PRDM2: variants seen among roughly 807,000 people sequenced by gnomAD.
PRDM2 encodes the protein PR domain zinc finger protein 2.
PRDM2 carries 30 observed loss-of-function variants against 130.0 expected under a neutral mutation model. The observed-to-expected ratio is 0.23, with a 90% CI of 0.17 to 0.31. PRDM2 has a LOEUF of 0.31. PRDM2 is among the 10% of genes least tolerant of loss of function. PRDM2 has a pLI of 1.00. For synonymous variants in PRDM2, 871 were observed against 782.4 expected (o/e 1.11, Z -1.89); for missense variants, 2,011 against 2,108.4 (o/e 0.95, Z 0.90).
intron 8 of PRDM2, among the ~76,000 whole-genome samples, chr1:13,795,236 G>A (rs944996258): frequency 1.3e-5 from 2 of 152,136 alleles, no homozygotes; most frequent in East Asian, 1.9e-4. Context: ...GATGATCACC[G>A]ATAATGCTTG....
intron 8 of PRDM2, among the ~76,000 whole-genome samples, chr1:13,796,350 T>C (rs1364442024): frequency 6.6e-6 from 1 of 152,200 alleles, no homozygotes; most frequent in Non-Finnish European, 1.5e-5. Flanking sequence ...GTTAATATCA[T>C]ATGTAAACAA....
chr1:13,731,096 G>A lies in PRDM2; in HGVS notation c.106G>A (p.Ala36Thr). Reference sequence around the variant, plus strand: ...GGAGGAAGTGAGGCTTTTCCCTTCTGCTGTTGACAAGACCCGGATTGGTGA... The same window carrying A: ...GGAGGAAGTGAGGCTTTTCCCTTCTACTGTTGACAAGACCCGGATTGGTGA... ...LPEEVRLFPS[A>T]VDKTRIGVWA... The change falls in exon 3 of 10, where the codon GCT (alanine) becomes ACT (threonine). Residue 36 changes from alanine to threonine, a missense_variant. Ala to Thr is a moderately conservative substitution (Grantham distance 58). This residue lies in a region of PRDM2 where 79 missense variants were observed against 93.6 expected (regional missense o/e 0.84). Transcript: ENST00000311066. The A allele has an allele frequency of 6.2e-7, 1 of 1,612,824 alleles. No individual in the cohort carries two copies. The highest frequency in any genetic ancestry group is 1.3e-5 in the African/African-American group (1 of 74,890).
intron 6 of PRDM2, among the ~76,000 whole-genome samples, chr1:13,759,462 GAT>G (rs1472540396): frequency 6.6e-6 from 1 of 152,166 alleles, no homozygotes; most frequent in African/African-American, 2.4e-5. Context: ...TGAGATGTAG[GAT>G]ATGCCTTTCT....
At chr1:13,701,127 TAAC>T (rs1177781437) in intron 1 of PRDM2, among the ~76,000 whole-genome samples, 1 of 152,180 alleles carries the variant, frequency 6.6e-6, no homozygotes, top group Admixed American at 6.5e-5. Flanking sequence ...CTGATTTCCT[TAAC>T]TACGCAGCTG....
chr1:13,787,807 TTCTAA>T, intron 8 of PRDM2: 1 of 981,490 alleles, frequency 1.0e-6, no homozygotes, highest in South Asian at 4.7e-5. Context: ...TAAAAGACTA[TTCTAA>T]TGAAAACATT....
intron 1 of PRDM2, among the ~76,000 whole-genome samples, chr1:13,711,656 TAAAGAATTAAGTTTTTA>T (rs1267462222): frequency 2.0e-5 from 3 of 152,212 alleles, no homozygotes; most frequent in African/African-American, 7.2e-5. Context: ...TATAGTTGAA[TAAAGAATTAAGTTTTTA>T]AAATAACATT....
In PRDM2 at chr1:13,780,318, A is replaced by G. The variant is rs1322559927; in HGVS notation, c.2523A>G (p.Pro841=). The G allele has an allele frequency of 1.9e-6, 3 of 1,614,194 alleles. No individual in the cohort carries two copies. Among genetic ancestry groups the G allele is most frequent in the Non-Finnish European group, 2.5e-6 (3 of 1,180,038 alleles). The part of the protein sequence containing the change: ...KQKAEGTGKT[P]VQWESVLDLS... ...AGGCTGAGGGTACAGGCAAGACTCCAGTCCAGTGGGAATCTGTCTTAGATC... is the reference window on the plus strand; with the variant it reads ...AGGCTGAGGGTACAGGCAAGACTCCGGTCCAGTGGGAATCTGTCTTAGATC... Residue 841 remains proline, a synonymous_variant, in exon 8 of 10, where the codon CCA becomes CCG. Coordinates refer to ENST00000311066, the MANE Select transcript of PRDM2 (RefSeq NM_001393986.1).
intron 6 of PRDM2, among the ~76,000 whole-genome samples, chr1:13,770,516 T>TA (rs1418442665): frequency 1.3e-5 from 2 of 151,534 alleles, no homozygotes; most frequent in Non-Finnish European, 2.9e-5. Context: ...TGTAGAAAAA[T>TA]CTTTGCATTT....
intron 8 of PRDM2, among the ~76,000 whole-genome samples, chr1:13,792,036 C>T (rs541763250): frequency 3.3e-5 from 5 of 152,308 alleles, no homozygotes; most frequent in South Asian, 4.1e-4. Flanking sequence ...TCATAGGTGC[C>T]ACCTGAGTTA....
intron 8 of PRDM2, among the ~76,000 whole-genome samples, chr1:13,792,670 C>T (rs1454416598): frequency 1.3e-5 from 2 of 152,208 alleles, no homozygotes; most frequent in Admixed American, 6.5e-5. Context: ...TCTGAATCAT[C>T]AAAGTGTCAG....
intron 8 of PRDM2, among the ~76,000 whole-genome samples, chr1:13,786,179 T>C (rs569262430): frequency 6.6e-6 from 1 of 152,188 alleles, no homozygotes; most frequent in East Asian, 1.9e-4. Flanking sequence ...CACATTTTTC[T>C]TTTCAAACCG....
intron 8 of PRDM2, among the ~76,000 whole-genome samples, chr1:13,809,922 G>C (rs143540677): frequency 6.6e-6 from 1 of 152,150 alleles, no homozygotes; most frequent in Non-Finnish European, 1.5e-5. Flanking sequence ...GGTTCTGGTC[G>C]AGGCTCTCTT....
In PRDM2 at chr1:13,731,123, TG is replaced by T. The variant is rs747453459; in HGVS notation, c.127+7del. ...TGTTGACAAGACCCGGATTGGTGAG[TG>T]CTCCTCCTGTCACGGAGCAAGTCAG... On this transcript the variant is annotated splice_region_variant and intron_variant, in intron 3 of 9. Coordinates refer to ENST00000311066, the MANE Select transcript of PRDM2 (RefSeq NM_001393986.1). 1 of 1,607,582 alleles carries T rather than the reference TG, an allele frequency of 6.2e-7. No individual in the cohort carries two copies. The highest frequency in any genetic ancestry group is 8.5e-7 in the Non-Finnish European group (1 of 1,175,886).
At chr1:13,740,584 A>C (rs1214901079) in intron 4 of PRDM2, among the ~76,000 whole-genome samples, 1 of 152,210 alleles carries the variant, frequency 6.6e-6, no homozygotes, top group African/African-American at 2.4e-5. Flanking sequence ...GCAGTGATAC[A>C]CAGAAGACAA....
chr1:13,717,448 C>T, intron 2 of PRDM2: 1 of 983,834 alleles, frequency 1.0e-6, no homozygotes, highest in Non-Finnish European at 1.2e-6. Context: ...AAAGTGGAAT[C>T]TAAATGTTAA....
At chr1:13,719,366 C>T (rs1001802910) in intron 2 of PRDM2, among the ~76,000 whole-genome samples, 1 of 152,182 alleles carries the variant, frequency 6.6e-6, no homozygotes, top group African/African-American at 2.4e-5. Context: ...TGGTCTGGAG[C>T]TTGGCCCTAT....
chr1:13,710,266 G>T (rs1218028821), intron 1 of PRDM2, among the ~76,000 whole-genome samples: 1 of 152,212 alleles, frequency 6.6e-6, no homozygotes, highest in Non-Finnish European at 1.5e-5. Flanking sequence ...GGAAAGGGCT[G>T]TCCCACATGT....
chr1:13,795,094 CTT>C (rs1644902498), intron 8 of PRDM2, among the ~76,000 whole-genome samples: 1 of 152,172 alleles, frequency 6.6e-6, no homozygotes, highest in South Asian at 2.1e-4. Context: ...CTCCCTGTAA[CTT>C]TCTATTTCTT....
chr1:13,758,607 G>C (rs1644019906), intron 6 of PRDM2, among the ~76,000 whole-genome samples: 1 of 152,112 alleles, frequency 6.6e-6, no homozygotes, highest in Non-Finnish European at 1.5e-5. Context: ...AATAGGAGAA[G>C]GTAACTTTGT....
Sources: gnomAD v4.1 joint callset for allele counts (sites outside exome capture counted in the v4.1 genomes callset) on GRCh38, gnomAD v4.1.1 for gene constraint, gnomAD v4.1.1 regional missense constraint, MANE v1.5 for transcripts, NCBI Gene and HGNC (gene_info 2026-07-23, HGNC 2026-07-21) for gene names.